Variants in DNAH5 observed in about 807,000 individuals in gnomAD.
The protein encoded by DNAH5 is dynein axonemal heavy chain 5, also known as axonemal beta dynein heavy chain 5.
In DNAH5, 372 loss-of-function variants were observed where a neutral mutation model predicts 518.2. The ratio of observed to expected loss-of-function variants is 0.72; its 90% CI spans 0.66 to 0.78. The LOEUF is 0.78. Ranked by LOEUF, DNAH5 falls within the 30% of genes least tolerant of loss-of-function variation. The pLI is 0.00. For synonymous variants in DNAH5, 2,039 were observed against 2,025.9 expected, an observed-to-expected ratio of 1.01 and a Z score of -0.17; for missense variants, 5,523 against 5,687.0, an observed-to-expected ratio of 0.97 and a Z score of 0.93.
chr5:13,782,785 A>T (rs185931727), intron 52 of DNAH5, among the ~76,000 whole-genome samples: 26 of 152,376 alleles, frequency 1.7e-4, no homozygotes, highest in Admixed American at 1.1e-3. Flanking sequence ...GAACAGATAC[A>T]TGAACAGAGA....
At chr5:13,937,562 T>G (rs1027854117) in intron 1 of DNAH5, among the ~76,000 whole-genome samples, 6 of 151,036 alleles carry the variant, frequency 4.0e-5, no homozygotes, top group African/African-American at 1.5e-4. Flanking sequence ...GCTGCTTCCA[T>G]CTGACAGTAT....
chr5:13,923,260 C>T lies in DNAH5; in HGVS notation c.438+20G>A, dbSNP rs1290192527. 14 of 1,613,976 alleles carry T rather than the reference C, an allele frequency of 8.7e-6. No individual in the cohort carries two copies. Among genetic ancestry groups the T allele is most frequent in the Admixed American group, 8.3e-5 (5 of 59,998 alleles). On this transcript the variant is annotated intron_variant, in intron 4 of 78. Transcript: ENST00000265104. The stretch of plus-strand genomic sequence containing the variant: ...GTGTTTTTTGGTAATTCAGAGTAAA[C>T]AATGGCTCTTGCCCCTTACCTGGTG...
intron 22 of DNAH5, among the ~76,000 whole-genome samples, chr5:13,872,677 A>G (rs1243378048): frequency 6.6e-6 from 1 of 152,192 alleles, no homozygotes; most frequent in Non-Finnish European, 1.5e-5. Context: ...AATAGGGGAC[A>G]GTGCTGACAT....
At chr5:13,887,749 A>T (rs1772633263) in intron 17 of DNAH5, among the ~76,000 whole-genome samples, 1 of 151,722 alleles carries the variant, frequency 6.6e-6, no homozygotes, top group African/African-American at 2.4e-5. Flanking sequence ...AATATCCTTT[A>T]CTCCATCACT....
At chr5:13,939,236 T>C (rs1779238703) in intron 1 of DNAH5, among the ~76,000 whole-genome samples, 1 of 152,160 alleles carries the variant, frequency 6.6e-6, no homozygotes, top group Non-Finnish European at 1.5e-5. Context: ...ATTTTACAAG[T>C]CACTCTCACG....
At chr5:13,905,245 T>C (rs1775140889) in intron 12 of DNAH5, among the ~76,000 whole-genome samples, 1 of 152,208 alleles carries the variant, frequency 6.6e-6, no homozygotes. Context: ...TAATTGCCAT[T>C]GTGATGATAT....
Position 13,717,465 on chromosome 5 carries a change from C to A in DNAH5, c.12555G>T (p.Leu4185=). The part of the protein sequence containing the change: ...VSSGSQWKPM[L]YAVAFLHSTV... Reference sequence around the variant, plus strand: ...TGGAGTGCAGGAAAGCCACTGCGTACAGCATGGGCTTCCACTGGGACCCAG... The same window carrying A: ...TGGAGTGCAGGAAAGCCACTGCGTAAAGCATGGGCTTCCACTGGGACCCAG... Residue 4185 remains leucine, a synonymous_variant, in exon 73 of 79, where the codon CTG becomes CTT. Transcript: ENST00000265104. 1.2e-6 allele frequency: 2 copies of A among 1,614,174 alleles called. No homozygotes were observed. Among genetic ancestry groups the A allele is most frequent in the Non-Finnish European group, 1.7e-6 (2 of 1,180,022 alleles).
intron 1 of DNAH5, among the ~76,000 whole-genome samples, chr5:13,997,162 C>T (rs961593779): frequency 1.6e-4 from 25 of 152,194 alleles, no homozygotes; most frequent in African/African-American, 6.0e-4. Context: ...CATGTTTTCT[C>T]ATTTTTTACA....
At chr5:13,896,760 A>G (rs1773965787) in intron 15 of DNAH5, 1 of 152,238 alleles carries the variant, frequency 6.6e-6, no homozygotes, top group South Asian at 2.1e-4. Flanking sequence ...ATAATGTCAA[A>G]CTGTGTCAGT....
At chr5:13,728,097 T>A (rs1048775579) in intron 69 of DNAH5, among the ~76,000 whole-genome samples, 5 of 152,232 alleles carry the variant, frequency 3.3e-5, no homozygotes, top group Non-Finnish European at 7.3e-5. Flanking sequence ...TTAACACATG[T>A]TTATTATTGA....
intron 4 of DNAH5, 127 bp from the exon 5 acceptor site, chr5:13,922,455 G>GA: frequency 6.0e-6 from 6 of 1,003,104 alleles, no homozygotes; most frequent in African/African-American, 3.2e-5. Context: ...TGCCAGGTGT[G>GA]GTGGCTCACA....
At chr5:13,779,532 A>C (rs1580196273) in intron 53 of DNAH5, among the ~76,000 whole-genome samples, 1 of 152,124 alleles carries the variant, frequency 6.6e-6, no homozygotes, top group East Asian at 1.9e-4. Flanking sequence ...ACGTCAAATG[A>C]TTTTCAGCCC....
At position 13,788,589 on chromosome 5, in the gene DNAH5, T is replaced by C. The variant is rs376047740; in HGVS notation, c.8647+127A>G. 2.5e-4 allele frequency: 197 copies of C among 783,172 alleles called. 3 individuals are homozygous for C. The highest frequency in any genetic ancestry group is 2.5e-3 in the South Asian group (167 of 67,658). 48.5% of individuals were successfully genotyped at this position (783,172 alleles called of 1,614,324 possible). A position where few individuals can be genotyped will look rare whatever the true frequency, so the allele number is the denominator to read the frequency against. ...CTAGTTTTATTGAGCATCTACTGTGTCTCAGGCTTGTATCAATAAAGTTTA... is the reference window on the plus strand; with the variant it reads ...CTAGTTTTATTGAGCATCTACTGTGCCTCAGGCTTGTATCAATAAAGTTTA... On this transcript the variant is annotated intron_variant, in intron 51 of 78. Coordinates refer to ENST00000265104, the MANE Select transcript of DNAH5 (RefSeq NM_001369.3).
intron 70 of DNAH5, among the ~76,000 whole-genome samples, chr5:13,723,413 T>C (rs758996373): frequency 2.0e-5 from 3 of 152,168 alleles, no homozygotes; most frequent in South Asian, 2.1e-4. Flanking sequence ...ATAGTGCAAC[T>C]CATCAAGATT....
At chr5:13,787,938 T>C (rs1006453221) in intron 51 of DNAH5, among the ~76,000 whole-genome samples, 3 of 152,240 alleles carry the variant, frequency 2.0e-5, no homozygotes, top group Non-Finnish European at 4.4e-5. Context: ...TTTTTAAACA[T>C]GCTTTTAAAA....
At chr5:13,787,104 C>G (rs1216443572) in intron 51 of DNAH5, among the ~76,000 whole-genome samples, 1 of 151,602 alleles carries the variant, frequency 6.6e-6, no homozygotes, top group African/African-American at 2.4e-5. Flanking sequence ...CCTGTAGTCC[C>G]AGCTACTCGG....
At chr5:13,817,364 T>C (rs1424352847) in intron 42 of DNAH5, among the ~76,000 whole-genome samples, 184 bp downstream of exon 42, 1 of 152,230 alleles carries the variant, frequency 6.6e-6, no homozygotes, top group Non-Finnish European at 1.5e-5. Flanking sequence ...AAAGGGAGCA[T>C]TTTAAATACT....
At chr5:13,730,489 C>T (rs1239995065) in intron 68 of DNAH5, among the ~76,000 whole-genome samples, 1 of 152,120 alleles carries the variant, frequency 6.6e-6, no homozygotes, top group Non-Finnish European at 1.5e-5. Flanking sequence ...GGCTGGAGTG[C>T]AGTGGCACGA....
At chr5:13,779,865 T>G (rs969487909) in intron 53 of DNAH5, among the ~76,000 whole-genome samples, 2 of 152,208 alleles carry the variant, frequency 1.3e-5, no homozygotes, top group African/African-American at 4.8e-5. Flanking sequence ...GACAGCATCA[T>G]GGCTTGCCCA....
Sources: allele counts gnomAD v4.1 joint callset (sites outside exome capture counted in the v4.1 genomes callset), GRCh38; gene constraint gnomAD v4.1.1; transcripts MANE v1.5; gene names NCBI Gene and HGNC (gene_info 2026-07-23, HGNC 2026-07-21).